LTBP2: variants seen among roughly 807,000 people sequenced by gnomAD.
LTBP2 encodes the protein latent transforming growth factor beta binding protein 2, also known as latent-transforming growth factor beta-binding protein 2.
A neutral mutation model predicts 210.6 loss-of-function variants in LTBP2; 103 were observed. The observed-to-expected ratio is 0.49, with a 90% CI of 0.42 to 0.58. The LOEUF (loss-of-function observed/expected upper bound fraction) is 0.58. Among genes scored for constraint, LTBP2 ranks in the 20% least tolerant of loss-of-function variants. The probability of loss-of-function intolerance (pLI) is 0.00; values close to 1 mark genes in which losing one functional copy is unlikely to be tolerated. For synonymous variants in LTBP2, 1,007 were observed against 1,015.0 expected (o/e 0.99, Z 0.15); for missense variants, 2,313 against 2,494.5 (o/e 0.93, Z 1.55).
intron 17 of LTBP2, among the ~76,000 whole-genome samples, chr14:74,519,645 C>G (rs1184480261): frequency 3.9e-5 from 6 of 152,118 alleles, no homozygotes; most frequent in African/African-American, 1.4e-4. Flanking sequence ...AAGGCCTCTT[C>G]CAGTGGTACC....
chr14:74,503,599 A>G lies in LTBP2; in HGVS notation c.4590T>C (p.Asp1530=), dbSNP rs777892387. Residue 1530 remains aspartate, a synonymous_variant, in exon 32 of 36, where the codon GAT becomes GAC. Coordinates refer to ENST00000261978, the MANE Select transcript of LTBP2 (RefSeq NM_000428.3). ...DASHKKCEDH[D]ECQDLACENG... ...TCTCACAGGCCAGGTCCTGGCACTC[A>G]TCGTGATCTGGGGAGGCAGGAAAGG... 1 of 1,613,720 alleles carries G rather than the reference A, an allele frequency of 6.2e-7. No individual in the cohort carries two copies. The highest frequency in any genetic ancestry group is 8.5e-7 in the Non-Finnish European group (1 of 1,180,016).
intron 19 of LTBP2, among the ~76,000 whole-genome samples, chr14:74,510,500 G>A (rs2087056737): frequency 6.6e-6 from 1 of 152,234 alleles, no homozygotes; most frequent in Non-Finnish European, 1.5e-5. Context: ...CTCATCTGAG[G>A]ATACTTGAAA....
At position 74,552,246 on chromosome 14, in the gene LTBP2, G is replaced by A. The variant is rs781391505; in HGVS notation, c.1340C>T (p.Ala447Val). The A allele has an allele frequency of 1.9e-6, 3 of 1,613,024 alleles. No homozygotes were observed. Among genetic ancestry groups the A allele is most frequent in the Admixed American group, 1.7e-5 (1 of 60,014 alleles). The change falls in exon 6 of 36, where the codon GCC becomes GTC. Residue 447 changes from alanine (A) to valine (V), a missense_variant. Ala to Val is a moderately conservative substitution (Grantham distance 64). Around this residue, in one of 3 missense-constraint regions of LTBP2, gnomAD observed 1,867 missense variants for 1,976.9 expected, o/e 0.94. Transcript: ENST00000261978. ...EPPGRGSRPR[A>V]LLEAPLKQST... ...CTGCTTCAGTGGGGCTTCCAGCAAG[G>A]CCCTGGGGCGGGACCCCCTCCCTGG... is the stretch of plus-strand genomic sequence containing the variant.
chr14:74,576,603 C>T (rs940939377), intron 3 of LTBP2, among the ~76,000 whole-genome samples: 1 of 151,948 alleles, frequency 6.6e-6, no homozygotes, highest in East Asian at 2.0e-4. Flanking sequence ...GGTCTGGGGT[C>T]ACCACATACA....
At chr14:74,581,298 G>T (rs2088133287) in intron 3 of LTBP2, among the ~76,000 whole-genome samples, 3 of 152,174 alleles carry the variant, frequency 2.0e-5, no homozygotes, top group African/African-American at 7.2e-5. Flanking sequence ...ATATTAAATA[G>T]CAAAAGGAAA....
chr14:74,507,065 A>C (rs1484342316), intron 26 of LTBP2, 114 bp downstream of exon 26: 22 of 1,581,482 alleles, frequency 1.4e-5, no homozygotes, highest in Non-Finnish European at 1.8e-5. Context: ...AAAATATACA[A>C]GCTACAATCA....
intron 17 of LTBP2, among the ~76,000 whole-genome samples, chr14:74,517,322 G>A (rs1161329556): frequency 2.6e-5 from 4 of 152,230 alleles, no homozygotes; most frequent in East Asian, 1.9e-4. Context: ...TATCCCCTTC[G>A]GGTCTGCTCC....
At chr14:74,564,386 T>TATA (rs375350550) in intron 3 of LTBP2, among the ~76,000 whole-genome samples, 5 of 77,402 alleles carry the variant, frequency 6.5e-5, no homozygotes, top group Admixed American at 2.3e-4. Flanking sequence ...TATATTTATA[T>TATA]TTTATATATT....
intron 15 of LTBP2, 39 bp downstream of exon 15, chr14:74,525,085 G>A: frequency 8.7e-7 from 1 of 1,151,004 alleles, no homozygotes; most frequent in Non-Finnish European, 1.1e-6. Context: ...AGCTCACAGG[G>A]CAGGGTGCAG....
In LTBP2 at chr14:74,503,394, C is replaced by T. The variant is rs2139687618; in HGVS notation, c.4721-8G>A. ...CGTGGTCAGGGAGGTCCTCTGGTGGCACAGGGCACGGAGGCACATGAGCCC... is the reference window on the plus strand; with the variant it reads ...CGTGGTCAGGGAGGTCCTCTGGTGGTACAGGGCACGGAGGCACATGAGCCC... On this transcript the variant is annotated splice_polypyrimidine_tract_variant and splice_region_variant and intron_variant, in intron 32 of 35. Coordinates refer to ENST00000261978, the MANE Select transcript of LTBP2 (RefSeq NM_000428.3). The T allele has an allele frequency of 6.2e-7, 1 of 1,611,710 alleles. No homozygotes were observed. The highest frequency in any genetic ancestry group is 8.5e-7 in the Non-Finnish European group (1 of 1,179,628).
Position 74,509,434 on chromosome 14 carries a change from C to T in LTBP2, c.3278-71G>A, listed in dbSNP as rs112802363. On this transcript the variant is annotated intron_variant, in intron 21 of 35. Transcript: ENST00000261978. The stretch of plus-strand genomic sequence containing the variant: ...TCCCCAGGCAATGCAGGAACCTCAC[C>T]GTGGCTTCCCTCTCTGAGCCCCTGG... 2.4e-3 allele frequency: 3,847 copies of T among 1,603,746 alleles called. 91 individuals carry two copies. In the African/African-American group the frequency reaches 0.044, roughly 18 times the overall value.
intron 12 of LTBP2, 29 bp downstream of exon 12, chr14:74,528,454 C>T (rs1249364701): frequency 1.2e-6 from 2 of 1,610,200 alleles, no homozygotes; most frequent in African/African-American, 2.7e-5. Context: ...AAAGGAAAAT[C>T]CCTCAGGCAT....
chr14:74,566,371 G>C (rs2087902430), intron 3 of LTBP2, among the ~76,000 whole-genome samples: 1 of 152,230 alleles, frequency 6.6e-6, no homozygotes, highest in South Asian at 2.1e-4. Flanking sequence ...CTCCAAGAGA[G>C]GAAGGCGTTC....
At chr14:74,521,884 C>T (rs1220844020) in intron 17 of LTBP2, 27 bp downstream of exon 17, 2 of 1,613,328 alleles carry the variant, frequency 1.2e-6, no homozygotes, top group Non-Finnish European at 1.7e-6. Context: ...TGGGGCCTGG[C>T]CAAGGGCAAG....
chr14:74,502,635 T>C lies in LTBP2; in HGVS notation c.5170+18A>G. The C allele has an allele frequency of 1.2e-6, 2 of 1,614,100 alleles. No individual in the cohort carries two copies. Among genetic ancestry groups the C allele is most frequent in the Non-Finnish European group, 1.7e-6 (2 of 1,180,000 alleles). On this transcript the variant is annotated intron_variant, in intron 34 of 35. Coordinates refer to ENST00000261978, the MANE Select transcript of LTBP2 (RefSeq NM_000428.3). Reference sequence around the variant, plus strand: ...GCTTTGGTGCCCACCTCTTCCCCAGTTTTGCAGCAACACAGACCTGGATGG... The same window carrying C: ...GCTTTGGTGCCCACCTCTTCCCCAGCTTTGCAGCAACACAGACCTGGATGG...
chr14:74,504,675 C>T (rs758518593), intron 30 of LTBP2, 103 bp downstream of exon 30: 53 of 1,134,314 alleles, frequency 4.7e-5, no homozygotes, highest in African/African-American at 3.4e-4. Flanking sequence ...AGGCAACCTG[C>T]GAGGCCAGGG....
Position 74,552,041 on chromosome 14 carries a change from G to A in LTBP2, c.1399+146C>T, listed in dbSNP as rs545135355. On this transcript the variant is annotated intron_variant, in intron 6 of 35. Coordinates refer to ENST00000261978, the MANE Select transcript of LTBP2 (RefSeq NM_000428.3). ...AGAAGTTGAGGGAATGAAACTTAGC[G>A]CTGAGGGCCAGGAGAAAGAGGGAGG... 2.1e-3 allele frequency: 1,618 copies of A among 756,394 alleles called. 36 individuals carry two copies. The highest frequency in any genetic ancestry group is 3.3e-3 in the Middle Eastern group (9 of 2,744). 46.9% of individuals were successfully genotyped at this position (756,394 alleles called of 1,614,324 possible).
chr14:74,515,029 A>G (rs779557735), intron 18 of LTBP2, among the ~76,000 whole-genome samples: 6 of 152,168 alleles, frequency 3.9e-5, no homozygotes, highest in Non-Finnish European at 7.3e-5. Flanking sequence ...CCTGGACATG[A>G]AAAAGAACTA....
intron 8 of LTBP2, among the ~76,000 whole-genome samples, chr14:74,540,764 T>TA (rs1339009040): frequency 1.0e-4 from 11 of 106,988 alleles, no homozygotes; most frequent in African/African-American, 3.8e-4. Flanking sequence ...GACTCCATCT[T>TA]AAAAAATATA....
Sources: gnomAD v4.1 joint callset for allele counts (sites outside exome capture counted in the v4.1 genomes callset) on GRCh38, gnomAD v4.1.1 for gene constraint, gnomAD v4.1.1 regional missense constraint, MANE v1.5 for transcripts, NCBI Gene and HGNC (gene_info 2026-07-23, HGNC 2026-07-21) for gene names.